Variants in KIF27 observed in about 807,000 individuals in gnomAD.
The protein encoded by KIF27 is kinesin family member 27.
KIF27 carries 84 observed loss-of-function variants against 141.8 expected under a neutral mutation model. That is an observed-to-expected ratio of 0.59 (90% CI 0.50 to 0.71). KIF27 has a LOEUF of 0.71. KIF27 is among the 30% of genes least tolerant of loss of function. The probability of loss-of-function intolerance (pLI) is 0.00; values close to 1 mark genes in which losing one functional copy is unlikely to be tolerated. For missense variants in KIF27, 1,306 were observed against 1,628.4 expected (o/e 0.80, Z 3.41); for synonymous variants, 471 against 569.5 (o/e 0.83, Z 2.46).
intron 11 of KIF27, among the ~76,000 whole-genome samples, chr9:83,872,275 C>T (rs1419757395): frequency 6.6e-6 from 1 of 152,146 alleles, no homozygotes; most frequent in African/African-American, 2.4e-5. Flanking sequence ...GATCGCGCCA[C>T]TGCACTCTAG....
intron 16 of KIF27, chr9:83,848,822 T>G (rs1948187871): frequency 6.6e-6 from 1 of 151,842 alleles, no homozygotes; most frequent in Non-Finnish European, 1.5e-5. Flanking sequence ...TTTTACTTTT[T>G]TTTTTTTTGA....
Position 83,902,968 on chromosome 9 carries a change from C to T in KIF27, c.1458+92G>A, listed in dbSNP as rs532410319. 1.3e-5 allele frequency: 9 copies of T among 702,760 alleles called. No homozygotes were observed. The South Asian group carries it at 2.2e-4, about 17-fold the overall frequency. 43.5% of individuals were successfully genotyped at this position (702,760 alleles called of 1,614,324 possible). On this transcript the variant is annotated intron_variant, in intron 4 of 17. Transcript: ENST00000297814. ...TTAAAAGAGTTATCCATAACAATGT[C>T]TAAATATGTTAACACATGTACCCCC... is the stretch of plus-strand genomic sequence containing the variant.
At chr9:83,879,566 G>A (rs1233454877) in intron 11 of KIF27, among the ~76,000 whole-genome samples, 2 of 151,772 alleles carry the variant, frequency 1.3e-5, no homozygotes, top group Non-Finnish European at 2.9e-5. Flanking sequence ...ACATTTCAAC[G>A]GAACAGAGCC....
chr9:83,919,569 A>G (rs1053214737), intron 1 of KIF27, among the ~76,000 whole-genome samples: 1 of 152,054 alleles, frequency 6.6e-6, no homozygotes, highest in Non-Finnish European at 1.5e-5. Flanking sequence ...CACTAACAAC[A>G]ATGAATTGAT....
At chr9:83,853,516 A>C (rs1948842695) in intron 15 of KIF27, 113 bp downstream of exon 15, 2 of 688,018 alleles carry the variant, frequency 2.9e-6, no homozygotes, top group Non-Finnish European at 4.8e-6. Flanking sequence ...ATTTGTAGTT[A>C]CATCATCAAA....
In KIF27 at chr9:83,903,480, A is replaced by G. The variant is rs761871508; in HGVS notation, c.1038T>C (p.Thr346=). The part of the protein sequence containing the change: ...NRARNIRNKP[T]VNFSPESDRI... ...GGTCTGACTCGGGGCTGAAGTTTAC[A>G]GTGGGTTTGTTTCTAATGTTCCGTG... is the stretch of plus-strand genomic sequence containing the variant. The change falls in exon 4 of 18, where the codon ACT becomes ACC. Residue 346 remains threonine (T), a synonymous_variant. Transcript: ENST00000297814. 1.2e-6 allele frequency: 2 copies of G among 1,614,136 alleles called. No homozygotes were observed. Among genetic ancestry groups the G allele is most frequent in the East Asian group, 2.2e-5 (1 of 44,882 alleles).
chr9:83,897,043 T>C (rs529709354), intron 5 of KIF27, among the ~76,000 whole-genome samples: 1 of 152,276 alleles, frequency 6.6e-6, no homozygotes, highest in African/African-American at 2.4e-5. Context: ...AAAAAAATCA[T>C]TGAATTGTAT....
intron 2 of KIF27, among the ~76,000 whole-genome samples, chr9:83,912,803 A>T (rs995595529): frequency 2.0e-5 from 3 of 152,096 alleles, no homozygotes; most frequent in African/African-American, 7.2e-5. Context: ...TATACCTTGT[A>T]AAGGTAATTC....
intron 10 of KIF27, among the ~76,000 whole-genome samples, chr9:83,881,975 G>C (rs1951710772): frequency 6.6e-6 from 1 of 151,996 alleles, no homozygotes; most frequent in South Asian, 2.1e-4. Flanking sequence ...TAAAAATATA[G>C]GTTTTAGAAG....
chr9:83,859,780 A>G (rs113591087), intron 13 of KIF27: 5,410 of 163,474 alleles, frequency 0.033, 207 homozygotes, highest in Admixed American at 0.12. Context: ...TGATCCACCC[A>G]CCTCAGCCCC....
At position 83,880,181 on chromosome 9, in the gene KIF27, A is replaced by T. The variant is rs1951556341; in HGVS notation, c.2643+116T>A. ...TTAAAGTGAATAAGGACAGCAGTGA[A>T]GGGCAGGTCAAGGATAGATACTTCA... On this transcript the variant is annotated intron_variant, in intron 11 of 17. Transcript: ENST00000297814. 11 of 1,471,762 alleles carry T rather than the reference A, an allele frequency of 7.5e-6. No individual in the cohort carries two copies. In the East Asian group the frequency reaches 2.3e-4, roughly 31 times the overall value. 91.2% of individuals were successfully genotyped at this position (1,471,762 alleles called of 1,614,324 possible). A position where few individuals can be genotyped will look rare whatever the true frequency, so the allele number is the denominator to read the frequency against.
At chr9:83,883,365 T>C (rs1951830565) in intron 10 of KIF27, among the ~76,000 whole-genome samples, 1 of 152,198 alleles carries the variant, frequency 6.6e-6, no homozygotes, top group African/African-American at 2.4e-5. Context: ...AAACCAGGCA[T>C]TAGGAAGTTA....
chr9:83,891,932 G>A (rs1952720060), intron 5 of KIF27, among the ~76,000 whole-genome samples: 1 of 152,184 alleles, frequency 6.6e-6, no homozygotes, highest in South Asian at 2.1e-4. Context: ...GGTAACAAGT[G>A]CAGGGAAGTG....
At chr9:83,862,639 G>C (rs1027822044) in intron 13 of KIF27, among the ~76,000 whole-genome samples, 1 of 152,170 alleles carries the variant, frequency 6.6e-6, no homozygotes, top group African/African-American at 2.4e-5. Context: ...TTTGGCTTAG[G>C]ATTGTCTTGG....
chr9:83,885,015 A>C (rs1349142624), intron 9 of KIF27, among the ~76,000 whole-genome samples: 1 of 152,210 alleles, frequency 6.6e-6, no homozygotes, highest in Non-Finnish European at 1.5e-5. Context: ...ACCGTCCCTG[A>C]ACTAGACTGG....
At chr9:83,886,722 C>A (rs1216451842) in intron 9 of KIF27, among the ~76,000 whole-genome samples, 1 of 151,992 alleles carries the variant, frequency 6.6e-6, no homozygotes, top group Non-Finnish European at 1.5e-5. Context: ...CACCACTGCA[C>A]TCCAGCCTAG....
intron 9 of KIF27, among the ~76,000 whole-genome samples, chr9:83,884,343 G>T (rs2132257897): frequency 6.6e-6 from 1 of 151,860 alleles, no homozygotes; most frequent in Admixed American, 6.5e-5. Flanking sequence ...AGGATATTTG[G>T]AGTGACTGTT....
intron 11 of KIF27, among the ~76,000 whole-genome samples, chr9:83,877,032 A>G (rs887791247): frequency 1.3e-5 from 2 of 152,172 alleles, no homozygotes; most frequent in African/African-American, 4.8e-5. Context: ...GGCTATGATC[A>G]TGGCACCGCA....
intron 10 of KIF27, 27 bp downstream of exon 10, chr9:83,883,786 T>A: frequency 6.7e-7 from 1 of 1,501,968 alleles, no homozygotes; most frequent in African/African-American, 1.4e-5. Flanking sequence ...CTTAAATAAG[T>A]TTTCTCAATT....
Sources: gnomAD v4.1 joint callset for allele counts (sites outside exome capture counted in the v4.1 genomes callset) on GRCh38, gnomAD v4.1.1 for gene constraint, MANE v1.5 for transcripts, NCBI Gene and HGNC (gene_info 2026-07-23, HGNC 2026-07-21) for gene names.